Variants in ACP3 observed in about 807,000 individuals in gnomAD.
The protein encoded by ACP3 is prostatic acid phosphatase.
ACP3 carries 38 observed loss-of-function variants against 45.6 expected under a neutral mutation model. The observed-to-expected ratio is 0.83, with a 90% CI of 0.64 to 1.09. The LOEUF is 1.09. Ranked by LOEUF, ACP3 falls within the 50% of genes least tolerant of loss-of-function variation. The probability of loss-of-function intolerance (pLI) is 0.00; values close to 1 mark genes in which losing one functional copy is unlikely to be tolerated. For missense variants in ACP3, 466 were observed against 463.2 expected (o/e 1.01, Z -0.05); for synonymous variants, 162 against 164.7 (o/e 0.98, Z 0.13).
chr3:132,320,451 GA>G lies in ACP3; in HGVS notation c.120+2880del, dbSNP rs779377775. ...TCATGCACCATATCATCCAGAAATAGAAAAATGTCATTTTAAAGCATCCTGT... is the reference window on the plus strand; with the variant it reads ...TCATGCACCATATCATCCAGAAATAGAAAATGTCATTTTAAAGCATCCTGT... On this transcript the variant is annotated intron_variant, in intron 1 of 9. Coordinates refer to ENST00000336375, the MANE Select transcript of ACP3 (RefSeq NM_001099.5). Among the ~76,000 whole-genome samples the G allele has an allele frequency of 1.1e-4, 17 of 152,120 alleles. 2 individuals are homozygous for G. The highest frequency in any genetic ancestry group is 3.3e-4 in the Admixed American group (5 of 15,280).
Position 132,357,578 on chromosome 3 carries a change from G to T in ACP3, c.*700G>T. The T allele has an allele frequency of 1.0e-6, 1 of 984,118 alleles. No individual in the cohort carries two copies. The highest frequency in any genetic ancestry group is 1.2e-6 in the Non-Finnish European group (1 of 828,758). 61.0% of individuals were successfully genotyped at this position (984,118 alleles called of 1,614,324 possible). On this transcript the variant is annotated 3_prime_UTR_variant, in exon 10 of 10. Coordinates refer to ENST00000336375, the MANE Select transcript of ACP3 (RefSeq NM_001099.5). ...AAACAAAAATCAAACTTTACAGAAA[G>T]ATTTGATGTATGTAATACATATAGC...
intron 7 of ACP3, among the ~76,000 whole-genome samples, chr3:132,349,001 A>T (rs532465920): frequency 6.6e-6 from 1 of 151,752 alleles, no homozygotes; most frequent in South Asian, 2.1e-4. Flanking sequence ...ATTACAACTC[A>T]CACACACACA....
chr3:132,329,430 C>T (rs56202343), intron 2 of ACP3, among the ~76,000 whole-genome samples: 22,342 of 152,078 alleles, frequency 0.15, 1,697 homozygotes, highest in Non-Finnish European at 0.15. Flanking sequence ...AGAATTTCTG[C>T]CCTGACTATA....
At chr3:132,351,299 G>A (rs559703746) in intron 8 of ACP3, among the ~76,000 whole-genome samples, 9 of 152,326 alleles carry the variant, frequency 5.9e-5, no homozygotes, top group African/African-American at 1.4e-4. Flanking sequence ...AGAAGCCAGG[G>A]AGAGAAGAGT....
intron 3 of ACP3, among the ~76,000 whole-genome samples, 197 bp downstream of exon 3, chr3:132,331,930 C>T (rs1377406078): frequency 6.6e-6 from 1 of 152,128 alleles, no homozygotes; most frequent in African/African-American, 2.4e-5. Flanking sequence ...TTATGAACAC[C>T]TGAATAAATA....
intron 6 of ACP3, 38 bp from the exon 7 acceptor site, chr3:132,344,889 A>T (rs1164767343): frequency 6.2e-7 from 1 of 1,608,242 alleles, no homozygotes; most frequent in East Asian, 2.2e-5. Context: ...CAGTCATATA[A>T]ATACACATAC....
At chr3:132,345,966 C>T (rs560918770) in intron 7 of ACP3, among the ~76,000 whole-genome samples, 27 of 152,250 alleles carry the variant, frequency 1.8e-4, no homozygotes, top group Non-Finnish European at 3.2e-4. Flanking sequence ...GTCAGGTTGA[C>T]GTAATGAGGA....
chr3:132,358,832 G>A lies in ACP3; in HGVS notation c.*1954G>A, dbSNP rs1937978510. Reference sequence around the variant, plus strand: ...AATTAGAATAAAATTCCTCTAGGCAGATTTCAGGAGCTCCCTTTGTGTTTG... The same window carrying A: ...AATTAGAATAAAATTCCTCTAGGCAAATTTCAGGAGCTCCCTTTGTGTTTG... On this transcript the variant is annotated 3_prime_UTR_variant, in exon 10 of 10. Coordinates refer to ENST00000336375, the MANE Select transcript of ACP3 (RefSeq NM_001099.5). The A allele has an allele frequency of 1.0e-6, 1 of 985,252 alleles. No individual in the cohort carries two copies. The highest frequency in any genetic ancestry group is 1.2e-6 in the Non-Finnish European group (1 of 829,766). The allele number at this position is 985,252 out of a possible 1,614,324, so 61.0% of individuals were successfully genotyped here.
At chr3:132,342,085 C>A (rs976033307) in intron 5 of ACP3, among the ~76,000 whole-genome samples, 2 of 152,198 alleles carry the variant, frequency 1.3e-5, no homozygotes, top group Non-Finnish European at 2.9e-5. Flanking sequence ...TCACCTGGGA[C>A]ATATTTACAC....
rs368005227 is a variant in ACP3, at chr3:132,332,219, C to T, written c.331C>T (p.Arg111Trp). The T allele has an allele frequency of 3.0e-5, 48 of 1,614,014 alleles. No homozygotes were observed. Among genetic ancestry groups the T allele is most frequent in the Admixed American group, 6.7e-5 (4 of 59,994 alleles). Reference sequence around the variant, plus strand: ...TTATATTCGAAGCACAGACGTTGACCGGACTTTGATGAGTGCTATGACAAA... The same window carrying T: ...TTATATTCGAAGCACAGACGTTGACTGGACTTTGATGAGTGCTATGACAAA... ...QVYIRSTDVDRTLMSAMTNLA... is the reference protein window; with the variant it reads ...QVYIRSTDVDWTLMSAMTNLA... Residue 111 changes from arginine to tryptophan, a missense_variant, in exon 4 of 10, where the codon CGG (arginine) becomes TGG (tryptophan). Coordinates refer to ENST00000336375, the MANE Select transcript of ACP3 (RefSeq NM_001099.5).
intron 8 of ACP3, among the ~76,000 whole-genome samples, chr3:132,350,490 G>C (rs1937703026): frequency 1.3e-5 from 2 of 152,226 alleles, no homozygotes; most frequent in African/African-American, 4.8e-5. Flanking sequence ...ATGGAACCTA[G>C]TAGCCAGAAG....
chr3:132,319,711 TG>T (rs752663174), intron 1 of ACP3, among the ~76,000 whole-genome samples: 19 of 152,174 alleles, frequency 1.2e-4, no homozygotes, highest in Non-Finnish European at 2.4e-4. Context: ...GATGGAATGG[TG>T]GAGACAGAAT....
rs1937792738 is a variant in ACP3 at position 132,352,973 on chromosome 3, T to C, written c.968+150T>C. On this transcript the variant is annotated intron_variant, in intron 9 of 9. Coordinates refer to ENST00000336375, the MANE Select transcript of ACP3 (RefSeq NM_001099.5). ...GTGGTAACAAGATCTTTGCTAGTCATGTCTCTTTTTTCTTTTTCATGAAGA... is the reference window on the plus strand; with the variant it reads ...GTGGTAACAAGATCTTTGCTAGTCACGTCTCTTTTTTCTTTTTCATGAAGA... 1.3e-5 allele frequency: 8 copies of C among 605,850 alleles called. No individual in the cohort carries two copies. In the Admixed American group the frequency reaches 2.1e-4, roughly 16 times the overall value. The allele number at this position is 605,850 out of a possible 1,614,324, so 37.5% of individuals were successfully genotyped here.
At chr3:132,344,490 G>T (rs1937586212) in intron 6 of ACP3, among the ~76,000 whole-genome samples, 1 of 152,050 alleles carries the variant, frequency 6.6e-6, no homozygotes, top group Non-Finnish European at 1.5e-5. Flanking sequence ...GACCTTGATG[G>T]GGGTAGGGGA....
chr3:132,352,376 T>TTA (rs1937767713), intron 8 of ACP3, among the ~76,000 whole-genome samples: 1 of 151,054 alleles, frequency 6.6e-6, no homozygotes, highest in Non-Finnish European at 1.5e-5. Flanking sequence ...TTTTTTTTTT[T>TTA]TAGTAGGGAT....
downstream of ACP3, among the ~76,000 whole-genome samples, chr3:132,363,296 A>G (rs909952888): frequency 5.9e-5 from 9 of 152,140 alleles, no homozygotes; most frequent in Non-Finnish European, 5.9e-5. Context: ...GATAGTCTCT[A>G]TCAGGATAAT....
chr3:132,351,663 T>C (rs1937741809), intron 8 of ACP3, among the ~76,000 whole-genome samples: 1 of 152,144 alleles, frequency 6.6e-6, no homozygotes, highest in Non-Finnish European at 1.5e-5. Context: ...TAGTGTCTAA[T>C]CTGATTTCTA....
At chr3:132,333,963 C>G (rs376283730) in intron 4 of ACP3, among the ~76,000 whole-genome samples, 6 of 152,194 alleles carry the variant, frequency 3.9e-5, no homozygotes, top group African/African-American at 1.2e-4. Flanking sequence ...CCCAGCTACT[C>G]AGGAGGCTGA....
At chr3:132,359,385 G>C (rs578181341), downstream of ACP3, among the ~76,000 whole-genome samples, 2 of 152,284 alleles carry the variant, frequency 1.3e-5, no homozygotes, top group East Asian at 3.9e-4. Flanking sequence ...GCGGGCACCT[G>C]TAGTCCCAGC....
Sources: gnomAD v4.1 joint callset for allele counts (sites outside exome capture counted in the v4.1 genomes callset) on GRCh38, gnomAD v4.1.1 for gene constraint, MANE v1.5 for transcripts, NCBI Gene and HGNC (gene_info 2026-07-23, HGNC 2026-07-21) for gene names.